Variants in TBL1XR1 observed in about 807,000 individuals in gnomAD.
TBL1XR1 encodes the protein TBL1X/Y related 1.
A neutral mutation model predicts 66.9 loss-of-function variants in TBL1XR1; 5 were observed. The observed-to-expected ratio is 0.07, with a 90% CI of 0.04 to 0.16. TBL1XR1 has a LOEUF of 0.16. Ranked by LOEUF, TBL1XR1 falls within the 10% of genes least tolerant of loss-of-function variation. The pLI is 1.00. For synonymous variants in TBL1XR1, 210 were observed against 206.0 expected (o/e 1.02, Z -0.17); for missense variants, 238 against 623.2 (o/e 0.38, Z 6.58).
chr3:177,172,695 G>C (rs1372878753), intron 1 of TBL1XR1, among the ~76,000 whole-genome samples: 3 of 138,584 alleles, frequency 2.2e-5, no homozygotes, highest in Non-Finnish European at 3.2e-5. Flanking sequence ...GAGGGGAGGG[G>C]AGGAGAGGGA....
At chr3:177,146,324 T>C (rs1730235106) in intron 1 of TBL1XR1, among the ~76,000 whole-genome samples, 1 of 152,108 alleles carries the variant, frequency 6.6e-6, no homozygotes, top group East Asian at 1.9e-4. Flanking sequence ...TTTGCTCTTG[T>C]TGCCCACGCT....
intron 4 of TBL1XR1, 99 bp from the exon 5 acceptor site, chr3:177,051,825 T>C: frequency 1.5e-6 from 2 of 1,369,422 alleles, no homozygotes; most frequent in Non-Finnish European, 1.9e-6. Flanking sequence ...TCTTCGTTCC[T>C]AAAAAAACAT....
At chr3:177,155,211 G>A (rs746992707) in intron 1 of TBL1XR1, among the ~76,000 whole-genome samples, 170 of 152,226 alleles carry the variant, frequency 1.1e-3, no homozygotes, top group Admixed American at 1.8e-3. Flanking sequence ...CAAAGAAAGC[G>A]CTAATATCAA....
chr3:177,096,090 C>T (rs948180720), intron 2 of TBL1XR1, among the ~76,000 whole-genome samples: 11 of 152,248 alleles, frequency 7.2e-5, no homozygotes, highest in African/African-American at 2.6e-4. Context: ...TATAATCCCA[C>T]TAAGCACTCT....
intron 1 of TBL1XR1, among the ~76,000 whole-genome samples, chr3:177,149,618 G>C (rs1730648405): frequency 6.6e-6 from 1 of 152,082 alleles, no homozygotes; most frequent in Admixed American, 6.6e-5. Context: ...CCATTGCTCT[G>C]AAACAGGAGT....
chr3:177,089,357 C>T (rs538935464), intron 2 of TBL1XR1, among the ~76,000 whole-genome samples: 1 of 152,256 alleles, frequency 6.6e-6, no homozygotes, highest in South Asian at 2.1e-4. Flanking sequence ...GCCCTGCCCT[C>T]CGCAAAGCCT....
chr3:177,099,184 T>C (rs987424171), intron 1 of TBL1XR1, among the ~76,000 whole-genome samples: 3 of 152,078 alleles, frequency 2.0e-5, no homozygotes, highest in Non-Finnish European at 2.9e-5. Context: ...CTGGCCAACA[T>C]GGAGACACCC....
intron 2 of TBL1XR1, chr3:177,079,722 T>C (rs1467568450): frequency 1.3e-5 from 2 of 149,450 alleles, no homozygotes; most frequent in South Asian, 2.1e-4. Flanking sequence ...AAAATAAATA[T>C]GGGTAGAAAA....
At chr3:177,083,547 A>C (rs1721709940) in intron 2 of TBL1XR1, among the ~76,000 whole-genome samples, 2 of 152,230 alleles carry the variant, frequency 1.3e-5, no homozygotes, top group African/African-American at 4.8e-5. Context: ...ATTAACAGGA[A>C]TCTGACTTCG....
intron 2 of TBL1XR1, among the ~76,000 whole-genome samples, chr3:177,069,783 A>AAAGGAAAGGACGG (rs145829799): frequency 1.0e-5 from 1 of 95,382 alleles, no homozygotes. Context: ...GAAAGGAAGG[A>AAAGGAAAGGACGG]AAAGGAAGGA....
intron 1 of TBL1XR1, among the ~76,000 whole-genome samples, chr3:177,113,004 AAC>A (rs139383418): frequency 8.7e-5 from 13 of 149,722 alleles, no homozygotes; most frequent in East Asian, 2.0e-4. Context: ...ACTGTCTCAA[AAC>A]ACACACACAC....
chr3:177,129,478 G>C (rs1462824853), intron 1 of TBL1XR1, among the ~76,000 whole-genome samples: 5 of 152,140 alleles, frequency 3.3e-5, no homozygotes, highest in African/African-American at 1.2e-4. Flanking sequence ...TTATAATGCT[G>C]AGAAAAACAA....
upstream of TBL1XR1, among the ~76,000 whole-genome samples, chr3:177,200,316 A>G (rs1242213261): frequency 6.6e-6 from 1 of 152,206 alleles, no homozygotes; most frequent in Non-Finnish European, 1.5e-5. Context: ...GGGGCACCCA[A>G]ATGTGGAAAG....
rs142752671 is a variant in TBL1XR1 at position 177,067,680 on chromosome 3, A to G, written c.-45-2658T>C. On this transcript the variant is annotated intron_variant, in intron 2 of 15. Transcript: ENST00000457928. ...TGATTATTTAATTGATCATAGTGCTATATTAGTTCCCGGCAATTAAGTTTT... is the reference window on the plus strand; with the variant it reads ...TGATTATTTAATTGATCATAGTGCTGTATTAGTTCCCGGCAATTAAGTTTT... Among the ~76,000 whole-genome samples, 923 of 152,282 alleles carry G rather than the reference A, an allele frequency of 6.1e-3. 7 individuals carry two copies. The highest frequency in any genetic ancestry group is 9.4e-3 in the Non-Finnish European group (638 of 68,022).
At chr3:177,184,590 TCA>T (rs1156709787) in intron 1 of TBL1XR1, among the ~76,000 whole-genome samples, 1 of 152,120 alleles carries the variant, frequency 6.6e-6, no homozygotes, top group Non-Finnish European at 1.5e-5. Context: ...TCACCTTAGG[TCA>T]GGAGTTCAAG....
At chr3:177,051,408 C>CTA in intron 5 of TBL1XR1, 96 bp downstream of exon 5, 1 of 1,114,250 alleles carries the variant, frequency 9.0e-7, no homozygotes, top group South Asian at 1.7e-5. Flanking sequence ...ATGAGTTCAT[C>CTA]TATATAACAA....
At chr3:177,080,487 C>T (rs112038440) in intron 2 of TBL1XR1, among the ~76,000 whole-genome samples, 3 of 152,146 alleles carry the variant, frequency 2.0e-5, no homozygotes, top group African/African-American at 7.2e-5. Context: ...ATTTAACATG[C>T]AATAAAACAA....
intron 1 of TBL1XR1, among the ~76,000 whole-genome samples, chr3:177,172,088 C>T (rs1370582814): frequency 3.3e-5 from 5 of 151,726 alleles, no homozygotes; most frequent in African/African-American, 9.7e-5. Context: ...GGTGAAACCC[C>T]GTCTCTACTA....
At chr3:177,086,671 T>C (rs1331604455) in intron 2 of TBL1XR1, among the ~76,000 whole-genome samples, 1 of 152,048 alleles carries the variant, frequency 6.6e-6, no homozygotes, top group East Asian at 1.9e-4. Flanking sequence ...TTAACAACTT[T>C]ACATGGTTAT....
Sources: allele counts gnomAD v4.1 joint callset (sites outside exome capture counted in the v4.1 genomes callset), GRCh38; gene constraint gnomAD v4.1.1; transcripts MANE v1.5; gene names NCBI Gene and HGNC (gene_info 2026-07-23, HGNC 2026-07-21).